Variants in RNF217 observed in about 807,000 individuals in gnomAD.
RNF217 encodes the protein ring finger protein 217, also known as E3 ubiquitin-protein ligase RNF217.
Under a neutral mutation model 57.8 loss-of-function variants are expected in RNF217, and 31 were observed. That is an observed-to-expected ratio of 0.54 (90% confidence interval 0.40 to 0.72). The LOEUF is 0.72. RNF217 is among the 30% of genes least tolerant of loss of function. RNF217 has a pLI of 0.00. For synonymous variants in RNF217, 313 were observed against 294.0 expected (o/e 1.06, Z -0.66); for missense variants, 696 against 708.3 (o/e 0.98, Z 0.20).
rs1788790868 is a variant in RNF217, at chr6:125,087,068, G to A, written c.*4131G>A. On this transcript the variant is annotated 3_prime_UTR_variant, in exon 6 of 6. Transcript: ENST00000521654. ...CACTGAAGGAGAAGAGGAGAGACAGGAGGGGCCTAAAAACTCACTCTGGTA... is the reference window on the plus strand; with the variant it reads ...CACTGAAGGAGAAGAGGAGAGACAGAAGGGGCCTAAAAACTCACTCTGGTA... 1 of 152,086 alleles carries A rather than the reference G, an allele frequency of 6.6e-6. No homozygotes were observed. The highest frequency in any genetic ancestry group is 1.5e-5 in the Non-Finnish European group (1 of 68,014). 9.4% of individuals were successfully genotyped at this position (152,086 alleles called of 1,614,324 possible).
chr6:125,047,183 C>G (rs918264189), intron 2 of RNF217, among the ~76,000 whole-genome samples: 2 of 151,942 alleles, frequency 1.3e-5, no homozygotes, highest in African/African-American at 4.8e-5. Flanking sequence ...TACATAGAAA[C>G]TGAGACTATA....
chr6:125,082,491 C>T, intron 5 of RNF217: 10 of 1,612,394 alleles, frequency 6.2e-6, no homozygotes, highest in Non-Finnish European at 8.5e-6. Flanking sequence ...AGTGGTAGAA[C>T]CAGGAATCAA....
intron 1 of RNF217, among the ~76,000 whole-genome samples, chr6:125,025,705 T>C (rs1786052163): frequency 8.1e-6 from 1 of 122,710 alleles, no homozygotes; most frequent in Non-Finnish European, 1.6e-5. Flanking sequence ...TGTACTCCCT[T>C]ATGAGTGGGG....
chr6:124,991,702 C>T lies in RNF217; in HGVS notation c.882+28276C>T, dbSNP rs570135171. 9.2e-5 allele frequency among the ~76,000 whole-genome samples: 14 copies of T among 152,138 alleles called. No individual in the cohort carries two copies. In the South Asian group the frequency reaches 2.9e-3, roughly 32 times the overall value. On this transcript the variant is annotated intron_variant, in intron 1 of 5. Coordinates refer to ENST00000521654, the MANE Select transcript of RNF217 (RefSeq NM_001286398.3). ...ATTTTGTAAATCATTTTTTCTATAT[C>T]TAGAATTGTAAGATTTTAGAGCTGG...
intron 3 of RNF217, among the ~76,000 whole-genome samples, chr6:125,071,115 C>A (rs1163388617): frequency 1.3e-5 from 2 of 152,044 alleles, no homozygotes; most frequent in Non-Finnish European, 2.9e-5. Flanking sequence ...TAAATGTAAA[C>A]AACTTGAGGA....
At chr6:125,023,185 A>G (rs1785915377) in intron 1 of RNF217, among the ~76,000 whole-genome samples, 1 of 152,174 alleles carries the variant, frequency 6.6e-6, no homozygotes, top group African/African-American at 2.4e-5. Flanking sequence ...TTGATGTCTG[A>G]GGTAAGACCT....
At chr6:124,974,271 ATG>A (rs1477387618) in intron 1 of RNF217, among the ~76,000 whole-genome samples, 1 of 152,166 alleles carries the variant, frequency 6.6e-6, no homozygotes, top group Non-Finnish European at 1.5e-5. Flanking sequence ...AAAATCAAGA[ATG>A]TGGTGAATTA....
chr6:125,065,689 C>T (rs1190909654), intron 3 of RNF217, among the ~76,000 whole-genome samples: 2 of 152,126 alleles, frequency 1.3e-5, no homozygotes, highest in Non-Finnish European at 2.9e-5. Flanking sequence ...GACATTTTTG[C>T]TAAAGGATCT....
chr6:125,009,228 A>G (rs55924553), intron 1 of RNF217: 8 of 1,606,874 alleles, frequency 5.0e-6, no homozygotes, highest in Admixed American at 1.7e-5. Flanking sequence ...AAGCTGTTGT[A>G]TAATTAGTTC....
intron 1 of RNF217, among the ~76,000 whole-genome samples, chr6:125,030,269 C>A (rs188206016): frequency 9.3e-4 from 142 of 152,226 alleles, no homozygotes; most frequent in African/African-American, 3.4e-3. Flanking sequence ...CAAACCATAT[C>A]ATTCTGCCCC....
rs992278732 is a variant in RNF217 at position 125,086,309 on chromosome 6, A to T, written c.*3372A>T. The T allele has an allele frequency of 4.6e-5, 7 of 151,100 alleles. No homozygotes were observed. The highest frequency in any genetic ancestry group is 9.7e-5 in the African/African-American group (4 of 41,148). 9.4% of individuals were successfully genotyped at this position (151,100 alleles called of 1,614,324 possible). A position where few individuals can be genotyped will look rare whatever the true frequency, so the allele number is the denominator to read the frequency against. On this transcript the variant is annotated 3_prime_UTR_variant, in exon 6 of 6. Coordinates refer to ENST00000521654, the MANE Select transcript of RNF217 (RefSeq NM_001286398.3). The stretch of plus-strand genomic sequence containing the variant: ...ACCTTGCCAAAACTTACAATAGGAA[A>T]TTTTTTTTCAATAAAAATAAAATTT...
At chr6:124,998,260 G>A (rs562854102) in intron 1 of RNF217, among the ~76,000 whole-genome samples, 3 of 151,938 alleles carry the variant, frequency 2.0e-5, no homozygotes, top group Non-Finnish European at 2.9e-5. Context: ...GATTCACCTT[G>A]TATGTCATTT....
At chr6:125,011,490 G>C (rs1443940632) in intron 1 of RNF217, among the ~76,000 whole-genome samples, 1 of 151,950 alleles carries the variant, frequency 6.6e-6, no homozygotes, top group African/African-American at 2.4e-5. Context: ...CCCCTACTTT[G>C]TTCATCTCAC....
rs577288919 is a variant in RNF217 at position 125,049,736 on chromosome 6, C to T, written c.1116+4292C>T. On this transcript the variant is annotated intron_variant, in intron 2 of 5. Coordinates refer to ENST00000521654, the MANE Select transcript of RNF217 (RefSeq NM_001286398.3). ...AGGCAAAGAGAGCAGAATGAGCAAC[C>T]CTGGGTATTGAGAAGGGCATGGGGG... 2.0e-5 allele frequency among the ~76,000 whole-genome samples: 3 copies of T among 151,574 alleles called. No individual in the cohort carries two copies. The East Asian group carries it at 5.8e-4, about 29-fold the overall frequency.
At chr6:124,986,008 G>C (rs1265443051) in intron 1 of RNF217, among the ~76,000 whole-genome samples, 1 of 152,146 alleles carries the variant, frequency 6.6e-6, no homozygotes, top group African/African-American at 2.4e-5. Flanking sequence ...AGTGTTAAGA[G>C]ATGAGGCGGG....
chr6:125,027,295 G>A (rs1012579976), intron 1 of RNF217, among the ~76,000 whole-genome samples: 1 of 151,840 alleles, frequency 6.6e-6, no homozygotes, highest in Non-Finnish European at 1.5e-5. Flanking sequence ...CTACCTCCCC[G>A]CCAATGCCCA....
Position 124,963,020 on chromosome 6 carries a change from A to G in RNF217, c.476A>G (p.Lys159Arg), listed in dbSNP as rs1783358426. The G allele has an allele frequency of 6.3e-7, 1 of 1,594,136 alleles. No individual in the cohort carries two copies. Among genetic ancestry groups the G allele is most frequent in the Admixed American group, 1.7e-5 (1 of 59,402 alleles). Residue 159 changes from lysine (K) to arginine (R), a missense_variant, in exon 1 of 6, where the codon AAG (lysine) becomes AGG (arginine). This residue lies in a region of RNF217 where 465 missense variants were observed against 386.8 expected (regional missense o/e 1.20). Transcript: ENST00000521654. ...VLGQRRPSLA[K>R]RQVFCSVYCV... Reference sequence around the variant, plus strand: ...GGTCAGCGGCGCCCGTCCCTCGCCAAGAGACAAGTCTTCTGCTCCGTGTAC... The same window carrying G: ...GGTCAGCGGCGCCCGTCCCTCGCCAGGAGACAAGTCTTCTGCTCCGTGTAC...
chr6:125,023,445 G>T (rs528768117), intron 1 of RNF217, among the ~76,000 whole-genome samples: 2 of 152,314 alleles, frequency 1.3e-5, no homozygotes, highest in African/African-American at 4.8e-5. Flanking sequence ...GAGTGCTCCA[G>T]AGAAGAGGGC....
intron 3 of RNF217, among the ~76,000 whole-genome samples, chr6:125,064,715 A>G (rs1787867895): frequency 6.6e-6 from 1 of 152,092 alleles, no homozygotes. Flanking sequence ...CCTATCCTTT[A>G]TATTTAATAT....
Sources: gnomAD v4.1 joint callset for allele counts (sites outside exome capture counted in the v4.1 genomes callset) on GRCh38, gnomAD v4.1.1 for gene constraint, gnomAD v4.1.1 regional missense constraint, MANE v1.5 for transcripts, NCBI Gene and HGNC (gene_info 2026-07-23, HGNC 2026-07-21) for gene names.